CWF19L2: variants seen among roughly 807,000 people sequenced by gnomAD.
CWF19L2 encodes the protein CWF19-like protein 2.
A neutral mutation model predicts 111.7 loss-of-function variants in CWF19L2; 98 were observed. The ratio of observed to expected loss-of-function variants is 0.88; its 90% CI spans 0.75 to 1.04. The LOEUF (loss-of-function observed/expected upper bound fraction) is 1.04, where lower values mean the gene tolerates loss of function less well. CWF19L2 is among the 50% of genes least tolerant of loss of function. The probability of loss-of-function intolerance (pLI) is 0.00; values close to 1 mark genes in which losing one functional copy is unlikely to be tolerated. For missense variants in CWF19L2, 1,101 were observed against 1,051.4 expected, an observed-to-expected ratio of 1.05 and a Z score of -0.65; for synonymous variants, 351 against 342.9, an observed-to-expected ratio of 1.02 and a Z score of -0.26.
intron 10 of CWF19L2, chr11:107,404,396 G>A: frequency 1.3e-6 from 1 of 787,278 alleles, no homozygotes; most frequent in South Asian, 1.3e-5. Context: ...CTTATCTGGT[G>A]GCTTTGGGGG....
At chr11:107,336,418 T>A in intron 15 of CWF19L2, 140 bp downstream of exon 15, 1 of 699,482 alleles carries the variant, frequency 1.4e-6, no homozygotes, top group Non-Finnish European at 2.2e-6. Context: ...AGTGAGGCAC[T>A]GTGCCCGGCC....
At chr11:107,406,032 GAAGA>G (rs775685098) in intron 10 of CWF19L2, among the ~76,000 whole-genome samples, 15 of 152,126 alleles carry the variant, frequency 9.9e-5, no homozygotes, top group Admixed American at 1.3e-4. Context: ...ACCAGGATTG[GAAGA>G]AAGTCTGGAA....
At chr11:107,445,573 C>T (rs1240850679) in intron 3 of CWF19L2, among the ~76,000 whole-genome samples, 1 of 149,270 alleles carries the variant, frequency 6.7e-6, no homozygotes, top group Non-Finnish European at 1.5e-5. Context: ...CATTGCACTC[C>T]AGCCTGGGGG....
chr11:107,392,885 TG>T lies in CWF19L2; in HGVS notation c.1627del (p.Gln543SerfsTer4). On this transcript the variant is annotated frameshift_variant, in exon 11 of 18. Coordinates refer to ENST00000282251, the MANE Select transcript of CWF19L2 (RefSeq NM_152434.3). LOFTEE classifies it high-confidence loss of function. The part of the protein sequence containing the change: ...PKKSGVENED[Q>X]QEVILVRTDQ... The stretch of plus-strand genomic sequence containing the variant: ...TGTTCTGACAAGGATTACTTCTTGC[TG>T]GTCTTCATTCTATAAAAAGATTTAG... 6.4e-7 allele frequency: 1 copy of T among 1,558,048 alleles called. No individual in the cohort carries two copies. Among genetic ancestry groups the T allele is most frequent in the Non-Finnish European group, 8.6e-7 (1 of 1,157,068 alleles).
At chr11:107,403,401 AT>A (rs1861034278) in intron 10 of CWF19L2, 3 of 754,490 alleles carry the variant, frequency 4.0e-6, no homozygotes, top group Non-Finnish European at 7.2e-6. Context: ...GGCAACACTT[AT>A]TCTTTTTTCT....
At position 107,413,799 on chromosome 11, in the gene CWF19L2, A is replaced by C. The variant is rs113736373; in HGVS notation, c.1617+2410T>G. Among the ~76,000 whole-genome samples, 628 of 152,312 alleles carry C rather than the reference A, an allele frequency of 4.1e-3. 3 individuals carry two copies. Among genetic ancestry groups the C allele is most frequent in the African/African-American group, 0.014 (568 of 41,560 alleles). On this transcript the variant is annotated intron_variant, in intron 10 of 17. Transcript: ENST00000282251. ...TCTTTATAATGTTATCTAAGTCATGAATGATGTTAGCCTGAAGAAAATTCT... is the reference window on the plus strand; with the variant it reads ...TCTTTATAATGTTATCTAAGTCATGCATGATGTTAGCCTGAAGAAAATTCT...
In CWF19L2 at chr11:107,336,551, T is replaced by C. The variant is rs760224210; in HGVS notation, c.2358+7A>G. On this transcript the variant is annotated splice_region_variant and intron_variant, in intron 15 of 17. Coordinates refer to ENST00000282251, the MANE Select transcript of CWF19L2 (RefSeq NM_152434.3). ...TAAGTGTATATGCAAAGACTACTTA[T>C]AAACACCTTAAAATAGATGGGAGCC... 6.3e-7 allele frequency: 1 copy of C among 1,592,600 alleles called. No homozygotes were observed. The highest frequency in any genetic ancestry group is 1.2e-5 in the South Asian group (1 of 86,302).
At chr11:107,436,972 T>C (rs1384359046) in intron 6 of CWF19L2, among the ~76,000 whole-genome samples, 1 of 152,174 alleles carries the variant, frequency 6.6e-6, no homozygotes. Context: ...ATATTCCCAT[T>C]ACTAAAATAT....
At chr11:107,410,376 A>C (rs1272568503) in intron 10 of CWF19L2, among the ~76,000 whole-genome samples, 2 of 152,198 alleles carry the variant, frequency 1.3e-5, no homozygotes, top group Admixed American at 6.5e-5. Flanking sequence ...AATTTTTGGC[A>C]AAGATTTGTT....
intron 12 of CWF19L2, among the ~76,000 whole-genome samples, chr11:107,363,119 G>C (rs1323581107): frequency 2.0e-5 from 3 of 152,048 alleles, no homozygotes; most frequent in African/African-American, 7.2e-5. Flanking sequence ...GGGAAGTTTA[G>C]AGAAAAAAGA....
chr11:107,447,979 T>TA (rs879417395), intron 3 of CWF19L2, among the ~76,000 whole-genome samples: 44 of 147,336 alleles, frequency 3.0e-4, no homozygotes, highest in South Asian at 1.1e-3. Context: ...CATCTAATGA[T>TA]AAAAAAAAAA....
intron 17 of CWF19L2, among the ~76,000 whole-genome samples, chr11:107,327,983 T>C (rs912300119): frequency 1.3e-5 from 2 of 152,068 alleles, no homozygotes; most frequent in Non-Finnish European, 2.9e-5. Flanking sequence ...TGCCGTATGT[T>C]GTAGGGGATA....
intron 10 of CWF19L2, among the ~76,000 whole-genome samples, chr11:107,402,580 G>T (rs1463272829): frequency 6.6e-6 from 1 of 151,838 alleles, no homozygotes; most frequent in Admixed American, 6.6e-5. Context: ...TCGAAAAACA[G>T]TAGATGTCAG....
intron 9 of CWF19L2, among the ~76,000 whole-genome samples, chr11:107,417,232 A>G (rs1861239403): frequency 6.6e-6 from 1 of 152,336 alleles, no homozygotes; most frequent in East Asian, 1.9e-4. Flanking sequence ...CAAGATGTGG[A>G]ATATCTGGCT....
At chr11:107,345,662 C>T (rs474364) in intron 14 of CWF19L2, among the ~76,000 whole-genome samples, 122,430 of 152,010 alleles carry the variant, frequency 0.81, 49,972 homozygotes, top group African/African-American at 0.94. Flanking sequence ...TCTCTCTTTC[C>T]CTCTCTCTAT....
In CWF19L2 at chr11:107,443,824, A is replaced by G. The variant is rs573450981; in HGVS notation, c.340-775T>C. 3.3e-5 allele frequency among the ~76,000 whole-genome samples: 5 copies of G among 152,308 alleles called. No individual in the cohort carries two copies. In the East Asian group the frequency reaches 9.6e-4, roughly 29 times the overall value. ...CTTCAACACCCTCCTGAAGCTTTAT[A>G]CCAATTCCCATATTCTCAGCAAATG... On this transcript the variant is annotated intron_variant, in intron 3 of 17. Transcript: ENST00000282251.
chr11:107,327,521 T>C (rs1157608956), intron 17 of CWF19L2, among the ~76,000 whole-genome samples: 1 of 152,182 alleles, frequency 6.6e-6, no homozygotes. Context: ...AGCAGAAATC[T>C]TTTTTCATGA....
chr11:107,441,740 G>A, intron 4 of CWF19L2, 118 bp from the exon 5 acceptor site: 2 of 1,014,010 alleles, frequency 2.0e-6, no homozygotes, highest in Non-Finnish European at 2.7e-6. Context: ...AATCAAACCT[G>A]AAACAAGTCC....
intron 3 of CWF19L2, among the ~76,000 whole-genome samples, chr11:107,448,521 A>C (rs1355377141): frequency 6.6e-6 from 1 of 152,126 alleles, no homozygotes; most frequent in African/African-American, 2.4e-5. Flanking sequence ...AACAGAAAAA[A>C]AAAATACTTC....
Sources: gnomAD v4.1 joint callset for allele counts (sites outside exome capture counted in the v4.1 genomes callset) on GRCh38, gnomAD v4.1.1 for gene constraint, MANE v1.5 for transcripts, NCBI Gene and HGNC (gene_info 2026-07-23, HGNC 2026-07-21) for gene names.